Variants in RP1L1 observed in about 807,000 individuals in gnomAD.
RP1L1 encodes retinitis pigmentosa 1-like 1 protein.
Under a neutral mutation model 15.7 loss-of-function variants are expected in RP1L1, and 27 were observed. That is an observed-to-expected ratio of 1.72 (90% CI 1.27 to 2.38). The LOEUF is 2.38. Ranked by LOEUF, RP1L1 falls within the 30% of genes most tolerant of loss-of-function variation. RP1L1 has a pLI of 0.00. For missense variants in RP1L1, 4,798 were observed against 3,075.9 expected, an observed-to-expected ratio of 1.56 and a Z score of -13.24; for synonymous variants, 1,813 against 1,276.7, an observed-to-expected ratio of 1.42 and a Z score of -8.96.
Position 10,612,699 on chromosome 8 carries a change from G to C in RP1L1, c.1399C>G (p.Pro467Ala). 3 of 1,603,722 alleles carry C rather than the reference G, an allele frequency of 1.9e-6. No individual in the cohort carries two copies. The highest frequency in any genetic ancestry group is 2.5e-6 in the Non-Finnish European group (3 of 1,178,490). ...GTCCTGGGGCAGCAGGAGGACTCTG[G>C]CTCCGAGCCCTCGGGGAGGCCGGTG... ...SSTGLPEGSEPESSCCPRTPE... is the reference protein window; with the variant it reads ...SSTGLPEGSEAESSCCPRTPE... The change falls in exon 4 of 4, where the codon CCA becomes GCA. Residue 467 changes from proline (P) to alanine (A), a missense_variant. Pro to Ala is a conservative substitution (Grantham distance 27, BLOSUM62 -1). Coordinates refer to ENST00000382483, the MANE Select transcript of RP1L1 (RefSeq NM_178857.6).
At chr8:10,624,025 G>A (rs1292971727) in intron 1 of RP1L1, among the ~76,000 whole-genome samples, 1 of 152,114 alleles carries the variant, frequency 6.6e-6, no homozygotes, top group Non-Finnish European at 1.5e-5. Flanking sequence ...CCATATCCCT[G>A]CATCACTGTG....
intron 3 of RP1L1, among the ~76,000 whole-genome samples, chr8:10,616,072 T>C (rs542135033): frequency 3.0e-4 from 46 of 151,964 alleles, no homozygotes; most frequent in African/African-American, 1.1e-3. Context: ...GCCTGGCATA[T>C]TTTTTTGTAT....
intron 1 of RP1L1, among the ~76,000 whole-genome samples, chr8:10,644,450 C>T (rs1798447988): frequency 6.6e-6 from 1 of 152,210 alleles, no homozygotes; most frequent in South Asian, 2.1e-4. Context: ...TGAAGGGTCA[C>T]ACCAGGCCAC....
At chr8:10,632,555 T>C (rs950147114) in intron 1 of RP1L1, among the ~76,000 whole-genome samples, 29 of 152,204 alleles carry the variant, frequency 1.9e-4, no homozygotes, top group Non-Finnish European at 3.7e-4. Context: ...GCTCCTCTCA[T>C]TCTCCTGCCA....
intron 1 of RP1L1, among the ~76,000 whole-genome samples, chr8:10,629,125 C>T (rs1012087394): frequency 6.6e-6 from 1 of 152,214 alleles, no homozygotes; most frequent in Admixed American, 6.5e-5. Context: ...AAGCACAGAA[C>T]AGGATGATAA....
In RP1L1 at chr8:10,610,063, T is replaced by A; in HGVS notation, c.4035A>T (p.Glu1345Asp). ...GVQLEETKET[E>D]GEGQQEEEAQ... ...CCTCTTCTTCTTGCTGTCCTTCTCC[T>A]TCTGTTTCTTTAGTTTCCTCTAACT... The change falls in exon 4 of 4, where the codon GAA becomes GAT. Residue 1345 changes from glutamate (E) to aspartate (D), a missense_variant. By Grantham distance (45) the Glu-to-Asp change is conservative. Coordinates refer to ENST00000382483, the MANE Select transcript of RP1L1 (RefSeq NM_178857.6). The A allele has an allele frequency of 2.0e-6, 3 of 1,470,914 alleles. 1 individual carries two copies. Among genetic ancestry groups the A allele is most frequent in the Non-Finnish European group, 2.7e-6 (3 of 1,093,388 alleles). The allele number at this position is 1,470,914 out of a possible 1,614,324, so 91.1% of individuals were successfully genotyped here. A position where few individuals can be genotyped will look rare whatever the true frequency, so the allele number is the denominator to read the frequency against.
chr8:10,611,204 G>A lies in RP1L1; in HGVS notation c.2894C>T (p.Pro965Leu). The A allele has an allele frequency of 6.2e-7, 1 of 1,612,950 alleles. No homozygotes were observed. Among genetic ancestry groups the A allele is most frequent in the Non-Finnish European group, 8.5e-7 (1 of 1,180,020 alleles). The change falls in exon 4 of 4, where the codon CCA (proline) becomes CTA (leucine). Residue 965 changes from proline to leucine, a missense_variant. Physicochemically the swap from Pro to Leu is moderately conservative, Grantham distance 98. Transcript: ENST00000382483. Reference sequence around the variant, plus strand: ...ATATGTCATGAGTATGGGCTCTTCTGGAATGTTGTCCAGCCATTCGCGGAC... The same window carrying A: ...ATATGTCATGAGTATGGGCTCTTCTAGAATGTTGTCCAGCCATTCGCGGAC... ...AVVREWLDNI[P>L]EEPILMTYEL...
At chr8:10,619,037 AT>A (rs1437647607) in intron 2 of RP1L1, among the ~76,000 whole-genome samples, 1 of 151,934 alleles carries the variant, frequency 6.6e-6, no homozygotes, top group South Asian at 2.1e-4. Context: ...TGCCTGGCTA[AT>A]TTTAAATTTT....
In RP1L1 at chr8:10,609,353, C is replaced by T. The variant is rs755207488; in HGVS notation, c.4745G>A (p.Arg1582Gln). Residue 1582 changes from arginine (R) to glutamine (Q), a missense_variant, in exon 4 of 4, where the codon CGG (arginine) becomes CAG (glutamine). Transcript: ENST00000382483. ...TKRELQKLQG[R>Q]AGRMVLEPPR... ...AGGCTCCAGCACCATCCTACCCGCC[C>T]GGCCCTGGAGCTTCTGGAGCTCTCT... is the stretch of plus-strand genomic sequence containing the variant. The T allele has an allele frequency of 1.8e-5, 29 of 1,612,280 alleles. No homozygotes were observed. The highest frequency in any genetic ancestry group is 1.4e-4 in the South Asian group (13 of 91,058).
Position 10,622,638 on chromosome 8 carries a change from G to C in RP1L1, c.564C>G (p.Leu188=). The change falls in exon 2 of 4, where the codon CTC becomes CTG. Residue 188 remains leucine (L), a synonymous_variant. Transcript: ENST00000382483. ...ACAACTGCTTCACAGGAAAGCGCAG[G>C]AGATCTGAGGCTTTGCCGAGAAAGG... The part of the protein sequence containing the change: ...LAAFLGKASD[L]LRFPVKQLYT... 1 of 1,614,210 alleles carries C rather than the reference G, an allele frequency of 6.2e-7. No individual in the cohort carries two copies. Among genetic ancestry groups the C allele is most frequent in the Non-Finnish European group, 8.5e-7 (1 of 1,180,024 alleles).
intron 1 of RP1L1, among the ~76,000 whole-genome samples, chr8:10,629,988 T>C (rs1428182869): frequency 6.6e-6 from 1 of 152,176 alleles, no homozygotes; most frequent in African/African-American, 2.4e-5. Context: ...CAGAGTCTTC[T>C]CCAATCTGTT....
chr8:10,635,514 A>G (rs1443941838), intron 1 of RP1L1, among the ~76,000 whole-genome samples: 2 of 152,224 alleles, frequency 1.3e-5, no homozygotes, highest in Non-Finnish European at 2.9e-5. Flanking sequence ...ATCCCTATGG[A>G]ATACCTACTG....
chr8:10,647,360 A>G (rs1798495051), intron 1 of RP1L1, among the ~76,000 whole-genome samples: 1 of 151,980 alleles, frequency 6.6e-6, no homozygotes, highest in Admixed American at 6.6e-5. Context: ...AACATTGACC[A>G]TCTCAGCCAT....
chr8:10,628,502 G>A (rs561175823), intron 1 of RP1L1, among the ~76,000 whole-genome samples: 1 of 152,244 alleles, frequency 6.6e-6, no homozygotes, highest in South Asian at 2.1e-4. Context: ...AGAGATCCAG[G>A]AAGCCCAGGC....
At position 10,610,539 on chromosome 8, in the gene RP1L1, G is replaced by A; in HGVS notation, c.3559C>T (p.His1187Tyr). ...WSQALPDLGSHAMTENFTPTS... is the reference protein window; with the variant it reads ...WSQALPDLGSYAMTENFTPTS... ...GGCGTGAAGTTCTCCGTCATGGCATGGGACCCAAGGTCTGGCAGAGCCTGG... is the reference window on the plus strand; with the variant it reads ...GGCGTGAAGTTCTCCGTCATGGCATAGGACCCAAGGTCTGGCAGAGCCTGG... The change falls in exon 4 of 4, where the codon CAT (histidine) becomes TAT (tyrosine). Residue 1187 changes from histidine (H) to tyrosine (Y), a missense_variant. Coordinates refer to ENST00000382483, the MANE Select transcript of RP1L1 (RefSeq NM_178857.6). 1.2e-6 allele frequency: 2 copies of A among 1,613,748 alleles called. No individual in the cohort carries two copies. The highest frequency in any genetic ancestry group is 1.7e-6 in the Non-Finnish European group (2 of 1,180,026).
At position 10,626,062 on chromosome 8, in the gene RP1L1, G is replaced by A. The variant is rs1798152622; in HGVS notation, c.-19-2842C>T. 1.3e-5 allele frequency among the ~76,000 whole-genome samples: 2 copies of A among 152,112 alleles called. 1 individual carries two copies. Among genetic ancestry groups the A allele is most frequent in the Admixed American group, 1.3e-4 (2 of 15,278 alleles). On this transcript the variant is annotated intron_variant, in intron 1 of 3. Coordinates refer to ENST00000382483, the MANE Select transcript of RP1L1 (RefSeq NM_178857.6). ...CGGGGCAAAAGGAGAAAAAATAGAAGTCACAGGAAATGCTCCAAGAGTTGA... is the reference window on the plus strand; with the variant it reads ...CGGGGCAAAAGGAGAAAAAATAGAAATCACAGGAAATGCTCCAAGAGTTGA...
Position 10,610,117 on chromosome 8 carries a change from T to G in RP1L1, c.3981A>C (p.Thr1327=). 2 of 1,425,674 alleles carry G rather than the reference T, an allele frequency of 1.4e-6. No individual in the cohort carries two copies. Among genetic ancestry groups the G allele is most frequent in the South Asian group, 1.2e-5 (1 of 80,316 alleles). 88.3% of individuals were successfully genotyped at this position (1,425,674 alleles called of 1,614,324 possible). ...EEAVQLEETK[T]EEGLQEEGVQ... is the part of the protein sequence containing the mutation. ...CCCCCTCTTCTTGCAGCCCTTCTTC[T>G]GTTTTAGTTTCCTCTAACTGCACCG... Residue 1327 remains threonine (T), a synonymous_variant, in exon 4 of 4, where the codon ACA becomes ACC. Coordinates refer to ENST00000382483, the MANE Select transcript of RP1L1 (RefSeq NM_178857.6).
chr8:10,648,603 T>C (rs7463228), intron 1 of RP1L1, among the ~76,000 whole-genome samples: 20,735 of 152,138 alleles, frequency 0.14, 1,904 homozygotes, highest in African/African-American at 0.26. Flanking sequence ...GGGAATGTGC[T>C]ATCCAAGGCC....
chr8:10,610,055 C>G lies in RP1L1; in HGVS notation c.4043G>C (p.Gly1348Ala). ...TAACTGCGCCTCTTCTTCTTGCTGT[C>G]CTTCTCCTTCTGTTTCTTTAGTTTC... The part of the protein sequence containing the change: ...LEETKETEGE[G>A]QQEEEAQLEE... The change falls in exon 4 of 4, where the codon GGA becomes GCA. Residue 1348 changes from glycine (G) to alanine (A), a missense_variant. Coordinates refer to ENST00000382483, the MANE Select transcript of RP1L1 (RefSeq NM_178857.6). The G allele has an allele frequency of 8.0e-7, 1 of 1,246,774 alleles. No homozygotes were observed. 77.2% of individuals were successfully genotyped at this position (1,246,774 alleles called of 1,614,324 possible). A position where few individuals can be genotyped will look rare whatever the true frequency, so the allele number is the denominator to read the frequency against.
Sources: allele counts gnomAD v4.1 joint callset (sites outside exome capture counted in the v4.1 genomes callset), GRCh38; gene constraint gnomAD v4.1.1; transcripts MANE v1.5; gene names NCBI Gene and HGNC (gene_info 2026-07-23, HGNC 2026-07-21).